TBC1D19: variants seen among roughly 807,000 people sequenced by gnomAD.
TBC1D19 encodes the protein TBC1 domain family member 19.
In TBC1D19, 60 loss-of-function variants were observed where a neutral mutation model predicts 89.0. The observed-to-expected ratio is 0.67, with a 90% CI of 0.55 to 0.84. The LOEUF is 0.84. Among genes scored for constraint, TBC1D19 ranks in the 40% least tolerant of loss-of-function variants. The pLI is 0.00. For synonymous variants in TBC1D19, 189 were observed against 199.7 expected (o/e 0.95, Z 0.45); for missense variants, 500 against 610.8 (o/e 0.82, Z 1.91).
chr4:26,590,047 A>T (rs957951711), intron 1 of TBC1D19, among the ~76,000 whole-genome samples: 8 of 152,184 alleles, frequency 5.3e-5, no homozygotes, highest in Non-Finnish European at 8.8e-5. Context: ...AATTATTCCA[A>T]ACCGACACAC....
At chr4:26,790,335 A>G in the TBC1D19 span, among the ~76,000 whole-genome samples, 662 of 152,320 alleles carry the variant, frequency 4.3e-3, 20 homozygotes, top group Admixed American at 0.038. Flanking sequence ...CTGCCTTCCA[A>G]ACACCTCCAC....
chr4:26,820,070 T>C, the TBC1D19 span, among the ~76,000 whole-genome samples: 1 of 152,230 alleles, frequency 6.6e-6, no homozygotes, highest in East Asian at 1.9e-4. Context: ...CATATAATTG[T>C]GGGGTACAAT....
At chr4:26,832,399 G>A in the TBC1D19 span, among the ~76,000 whole-genome samples, 55 of 152,246 alleles carry the variant, frequency 3.6e-4, no homozygotes, top group East Asian at 0.01. Flanking sequence ...TTCAGGCTGT[G>A]GCTTGTCCAA....
At chr4:26,600,688 G>A (rs1740532870) in intron 1 of TBC1D19, among the ~76,000 whole-genome samples, 1 of 152,192 alleles carries the variant, frequency 6.6e-6, no homozygotes, top group Non-Finnish European at 1.5e-5. Flanking sequence ...GGTCAGCTTG[G>A]GGATGTCAGC....
intron 1 of TBC1D19, among the ~76,000 whole-genome samples, chr4:26,587,208 C>T (rs904220709): frequency 1.3e-5 from 2 of 152,058 alleles, no homozygotes; most frequent in African/African-American, 4.8e-5. Context: ...GGTTATGATG[C>T]ATTATTCTTT....
downstream of TBC1D19, among the ~76,000 whole-genome samples, chr4:26,757,137 C>A (rs1719296966): frequency 6.6e-6 from 1 of 152,140 alleles, no homozygotes; most frequent in Non-Finnish European, 1.5e-5. Context: ...CCTCAGCCTC[C>A]CAAATAGCTG....
chr4:26,595,741 C>A (rs1360313700), intron 1 of TBC1D19, among the ~76,000 whole-genome samples: 4 of 151,486 alleles, frequency 2.6e-5, no homozygotes, highest in Admixed American at 1.3e-4. Flanking sequence ...ATTGCCTTTA[C>A]TCATTTGTCA....
intron 11 of TBC1D19, among the ~76,000 whole-genome samples, chr4:26,681,468 G>A (rs575648089): frequency 7.9e-5 from 12 of 152,002 alleles, no homozygotes; most frequent in South Asian, 4.2e-4. Context: ...GGAGAATGGC[G>A]TGAACCCAGG....
At chr4:26,712,000 C>T (rs1371311156) in intron 13 of TBC1D19, among the ~76,000 whole-genome samples, 1 of 151,982 alleles carries the variant, frequency 6.6e-6, no homozygotes, top group Non-Finnish European at 1.5e-5. Context: ...TTCTCTAGGG[C>T]AACAGGGACT....
chr4:26,640,241 A>G, intron 7 of TBC1D19, 54 bp downstream of exon 7: 1 of 1,391,904 alleles, frequency 7.2e-7, no homozygotes, highest in Non-Finnish European at 1.0e-6. Flanking sequence ...ATGTGAATAA[A>G]TGATGATGTA....
At chr4:26,636,345 A>G (rs953498384) in intron 4 of TBC1D19, among the ~76,000 whole-genome samples, 1 of 152,058 alleles carries the variant, frequency 6.6e-6, no homozygotes, top group Non-Finnish European at 1.5e-5. Flanking sequence ...ACCTAGGACT[A>G]TTAAAACTTA....
chr4:26,674,757 A>C (rs1712643527), intron 11 of TBC1D19, among the ~76,000 whole-genome samples: 1 of 152,048 alleles, frequency 6.6e-6, no homozygotes, highest in Non-Finnish European at 1.5e-5. Context: ...CTTTTAACAT[A>C]GTGCCTGGAA....
intron 1 of TBC1D19, among the ~76,000 whole-genome samples, chr4:26,599,925 G>C (rs1273151183): frequency 2.1e-5 from 3 of 142,088 alleles, no homozygotes; most frequent in African/African-American, 5.3e-5. Flanking sequence ...TCCATCCTGG[G>C]CGACAAAGCA....
At chr4:26,703,123 C>T (rs1356586279) in intron 13 of TBC1D19, among the ~76,000 whole-genome samples, 2 of 152,144 alleles carry the variant, frequency 1.3e-5, no homozygotes, top group African/African-American at 2.4e-5. Context: ...TAATGTGGAT[C>T]TCTATCCCCA....
intron 8 of TBC1D19, among the ~76,000 whole-genome samples, chr4:26,665,936 A>G (rs1252978078): frequency 6.6e-6 from 1 of 152,068 alleles, no homozygotes; most frequent in Non-Finnish European, 1.5e-5. Flanking sequence ...TCATTGGTCA[A>G]AAGGCAAGAA....
At chr4:26,801,726 G>A in the TBC1D19 span, among the ~76,000 whole-genome samples, 1 of 151,950 alleles carries the variant, frequency 6.6e-6, no homozygotes, top group Admixed American at 6.5e-5. Flanking sequence ...AACAAGACAG[G>A]GATAAGTACC....
the TBC1D19 span, among the ~76,000 whole-genome samples, chr4:26,817,976 A>AAAG: frequency 9.1e-6 from 1 of 109,464 alleles, no homozygotes; most frequent in African/African-American, 3.9e-5. Flanking sequence ...TTTAAAAAAA[A>AAAG]AAAAAATATA....
chr4:26,747,982 A>G (rs1438072248), intron 18 of TBC1D19, among the ~76,000 whole-genome samples: 5 of 152,228 alleles, frequency 3.3e-5, no homozygotes, highest in Non-Finnish European at 5.9e-5. Flanking sequence ...ACTGAAATGT[A>G]GAAAATAATT....
rs1341788236 is a variant in TBC1D19, at chr4:26,657,705, G to A, written c.481-1892G>A. Among the ~76,000 whole-genome samples the A allele has an allele frequency of 2.0e-5, 3 of 151,972 alleles. No individual in the cohort carries two copies. The East Asian group carries it at 5.8e-4, about 29-fold the overall frequency. ...GAACTAGTTTACACTCCCACCAACA[G>A]TGTAAAAGCATTCCTATTTCTCCAC... On this transcript the variant is annotated intron_variant, in intron 7 of 20. Coordinates refer to ENST00000264866, the MANE Select transcript of TBC1D19 (RefSeq NM_018317.4).
Sources: gnomAD v4.1 joint callset for allele counts (sites outside exome capture counted in the v4.1 genomes callset) on GRCh38, gnomAD v4.1.1 for gene constraint, MANE v1.5 for transcripts, NCBI Gene and HGNC (gene_info 2026-07-23, HGNC 2026-07-21) for gene names.